CDKL4: variants seen among roughly 807,000 people sequenced by gnomAD.
CDKL4 encodes cyclin dependent kinase like 4.
CDKL4 carries 44 observed loss-of-function variants against 42.0 expected under a neutral mutation model. The observed-to-expected ratio is 1.05, with a 90% CI of 0.82 to 1.35. The LOEUF (loss-of-function observed/expected upper bound fraction) is 1.35. Ranked by LOEUF, CDKL4 falls within the 40% of genes most tolerant of loss-of-function variation. The probability of loss-of-function intolerance (pLI) is 0.00; values close to 1 mark genes in which losing one functional copy is unlikely to be tolerated. For missense variants in CDKL4, 393 were observed against 369.9 expected (o/e 1.06, Z -0.51); for synonymous variants, 120 against 121.6 (o/e 0.99, Z 0.09).
chr2:39,194,083 G>C (rs1279744227), intron 5 of CDKL4, among the ~76,000 whole-genome samples: 1 of 152,104 alleles, frequency 6.6e-6, no homozygotes, highest in East Asian at 1.9e-4. Flanking sequence ...AAGATACAAA[G>C]GGCACTTACT....
At chr2:39,225,872 G>T in exon 3 of CDKL4, 3 of 1,609,100 alleles carry the variant, frequency 1.9e-6, no homozygotes, top group Non-Finnish European at 2.5e-6. Flanking sequence ...ATTTAAAAGT[G>T]TATGATCACA....
intron 1 of CDKL4, among the ~76,000 whole-genome samples, chr2:39,243,113 CAAAAAAAAAAAAAAAAAAAAAAAAAAA>C (rs57132937): frequency 2.6e-5 from 1 of 38,420 alleles, no homozygotes; most frequent in Non-Finnish European, 3.9e-5. Context: ...GACCCTGTCT[CAAAAAAAAAAAAAAAAAAAAAAAAAAA>C]AAAAAAAAAA....
intron 8 of CDKL4, among the ~76,000 whole-genome samples, chr2:39,181,948 C>T (rs1211904740): frequency 6.6e-6 from 1 of 152,070 alleles, no homozygotes; most frequent in Non-Finnish European, 1.5e-5. Context: ...TATCGGTTTT[C>T]CTTTCAAATA....
intron 8 of CDKL4, 58 bp from the exon 9 acceptor site, chr2:39,179,379 T>C (rs1479577945): frequency 2.2e-6 from 3 of 1,375,860 alleles, no homozygotes. Flanking sequence ...TTTGTTACCG[T>C]GCCCACAAAC....
At chr2:39,226,643 T>C (rs1217519312) in intron 2 of CDKL4, among the ~76,000 whole-genome samples, 1 of 151,748 alleles carries the variant, frequency 6.6e-6, no homozygotes, top group African/African-American at 2.4e-5. Flanking sequence ...GGACAGACCA[T>C]CACTACAGCG....
intron 3 of CDKL4, among the ~76,000 whole-genome samples, chr2:39,220,535 T>C (rs536237006): frequency 1.3e-5 from 2 of 152,268 alleles, no homozygotes; most frequent in Admixed American, 1.3e-4. Flanking sequence ...GAAATATGAC[T>C]TTAGATTGGG....
chr2:39,180,638 T>C (rs137898674), intron 8 of CDKL4, among the ~76,000 whole-genome samples: 3,507 of 152,124 alleles, frequency 0.023, 48 homozygotes, highest in Middle Eastern at 0.027. Context: ...TGGAAAAACA[T>C]TCTCCTCAAA....
intron 3 of CDKL4, among the ~76,000 whole-genome samples, chr2:39,224,518 T>TC (rs1488672007): frequency 4.0e-5 from 6 of 150,214 alleles, no homozygotes; most frequent in Admixed American, 2.0e-4. Context: ...TTTTTTTTTT[T>TC]CTTGAGACAG....
At chr2:39,184,687 C>T (rs761327194) in intron 7 of CDKL4, 40 bp from the exon 8 acceptor site, 1 of 1,366,766 alleles carries the variant, frequency 7.3e-7, no homozygotes, top group Admixed American at 1.7e-5. Flanking sequence ...TACATAAGAA[C>T]AAAGTAATAT....
At position 39,184,742 on chromosome 2, in the gene CDKL4, G is replaced by A. The variant is rs529064785; in HGVS notation, c.736-95C>T. The A allele has an allele frequency of 6.4e-4, 504 of 783,080 alleles. 11 individuals are homozygous for A. The South Asian group carries it at 7.2e-3, about 11-fold the overall frequency. The allele number at this position is 783,080 out of a possible 1,614,324, so 48.5% of individuals were successfully genotyped here. On this transcript the variant is annotated intron_variant, in intron 7 of 9. Coordinates refer to ENST00000451199, the Ensembl canonical transcript of CDKL4. ...TATGTATGTGTGTGTGTGTGTGTGT[G>A]TGTGTATTTAGAGATACTGTCTCCC...
intron 1 of CDKL4, among the ~76,000 whole-genome samples, chr2:39,230,155 G>GGA (rs1487252777): frequency 3.3e-5 from 5 of 152,306 alleles, no homozygotes; most frequent in African/African-American, 1.2e-4. Context: ...CAAGGTGGGT[G>GGA]GATCACCTGA....
intron 3 of CDKL4, among the ~76,000 whole-genome samples, chr2:39,220,474 A>G (rs1427525921): frequency 1.3e-5 from 2 of 152,198 alleles, no homozygotes; most frequent in Non-Finnish European, 2.9e-5. Context: ...CTGATTTATA[A>G]CGGGGAATGT....
chr2:39,186,969 A>G (rs1004783052), intron 7 of CDKL4, among the ~76,000 whole-genome samples: 2 of 152,182 alleles, frequency 1.3e-5, no homozygotes, highest in African/African-American at 4.8e-5. Context: ...GTTTTTATAT[A>G]GTTTCTTCAA....
chr2:39,211,296 G>A (rs1426245264), intron 4 of CDKL4, among the ~76,000 whole-genome samples: 1 of 152,110 alleles, frequency 6.6e-6, no homozygotes, highest in Non-Finnish European at 1.5e-5. Context: ...GCTGAAGTGG[G>A]AGAATCACTT....
intron 5 of CDKL4, among the ~76,000 whole-genome samples, chr2:39,193,405 C>T (rs916941367): frequency 6.7e-5 from 10 of 150,194 alleles, no homozygotes; most frequent in Admixed American, 2.7e-4. Context: ...GATGGAGTTT[C>T]GCTCTTATTG....
chr2:39,210,047 G>A (rs1296778805), intron 4 of CDKL4, among the ~76,000 whole-genome samples: 1 of 152,128 alleles, frequency 6.6e-6, no homozygotes. Flanking sequence ...GAGTACAGTG[G>A]CCCGATCTTA....
chr2:39,231,920 A>G (rs1679110404), intron 1 of CDKL4, among the ~76,000 whole-genome samples: 1 of 152,230 alleles, frequency 6.6e-6, no homozygotes, highest in Non-Finnish European at 1.5e-5. Context: ...CTGTCTCTAA[A>G]ATAAAATGAG....
intron 5 of CDKL4, among the ~76,000 whole-genome samples, chr2:39,202,713 T>G (rs1676928698): frequency 6.6e-6 from 1 of 152,178 alleles, no homozygotes; most frequent in African/African-American, 2.4e-5. Flanking sequence ...TAATGTAAGG[T>G]AAAGGTCCAA....
intron 3 of CDKL4, among the ~76,000 whole-genome samples, chr2:39,219,333 G>T (rs113204596): frequency 0.021 from 3,229 of 152,280 alleles, 106 homozygotes; most frequent in African/African-American, 0.074. Context: ...TAATGAGGAC[G>T]GAAGGGCAGC....
Sources: allele counts gnomAD v4.1 joint callset (sites outside exome capture counted in the v4.1 genomes callset), GRCh38; gene constraint gnomAD v4.1.1; transcripts MANE v1.5; gene names NCBI Gene and HGNC (gene_info 2026-07-23, HGNC 2026-07-21).